CADM2: variants seen among roughly 807,000 people sequenced by gnomAD.
CADM2 encodes cell adhesion molecule 2.
A neutral mutation model predicts 49.8 loss-of-function variants in CADM2; 12 were observed. That is an observed-to-expected ratio of 0.24 (90% confidence interval 0.15 to 0.39). The LOEUF (loss-of-function observed/expected upper bound fraction) is 0.39, where lower values mean the gene tolerates loss of function less well. CADM2 is among the 10% of genes least tolerant of loss of function. The probability of loss-of-function intolerance (pLI) is 1.00; values close to 1 mark genes in which losing one functional copy is unlikely to be tolerated. For synonymous variants in CADM2, 214 were observed against 175.4 expected (o/e 1.22, Z -1.74); for missense variants, 378 against 492.3 (o/e 0.77, Z 2.20).
chr3:86,027,428 C>T (rs2107116461), intron 8 of CADM2, among the ~76,000 whole-genome samples: 1 of 152,224 alleles, frequency 6.6e-6, no homozygotes, highest in South Asian at 2.1e-4. Context: ...TAAATTCATT[C>T]TTTCTGCATA....
At chr3:85,556,525 A>G (rs745880653) in intron 1 of CADM2, among the ~76,000 whole-genome samples, 25 of 152,176 alleles carry the variant, frequency 1.6e-4, no homozygotes, top group African/African-American at 2.4e-5. Flanking sequence ...TAAAAGAGCT[A>G]TGGATTATCA....
intron 1 of CADM2, among the ~76,000 whole-genome samples, chr3:85,637,668 G>A (rs1559958650): frequency 6.9e-6 from 1 of 144,364 alleles, no homozygotes; most frequent in East Asian, 2.0e-4. Flanking sequence ...GTATTATTTA[G>A]CTTATTATTT....
chr3:85,816,988 A>G (rs1409248672), intron 3 of CADM2, among the ~76,000 whole-genome samples: 2 of 152,218 alleles, frequency 1.3e-5, no homozygotes, highest in Non-Finnish European at 2.9e-5. Flanking sequence ...AAATATTTGT[A>G]ATGTGCCATT....
intron 1 of CADM2, among the ~76,000 whole-genome samples, chr3:85,724,388 AT>A (rs1006910590): frequency 6.6e-6 from 1 of 151,960 alleles, no homozygotes; most frequent in Non-Finnish European, 1.5e-5. Context: ...CAACCTGGAA[AT>A]TTATGTCCTG....
chr3:85,246,220 C>T (rs1157940806), intron 1 of CADM2, among the ~76,000 whole-genome samples: 1 of 152,090 alleles, frequency 6.6e-6, no homozygotes, highest in South Asian at 2.1e-4. Flanking sequence ...ACCGCATGTT[C>T]TCACTCATAG....
intron 1 of CADM2, among the ~76,000 whole-genome samples, chr3:85,718,435 T>C (rs1338835060): frequency 6.6e-6 from 1 of 152,176 alleles, no homozygotes; most frequent in Non-Finnish European, 1.5e-5. Flanking sequence ...ACAGAGTCAC[T>C]TTTAGAGGCA....
In CADM2 at chr3:85,175,919, C is replaced by CTTTTTTTTTTT. The variant is rs11329456; in HGVS notation, c.61+216268_61+216278dup. On this transcript the variant is annotated intron_variant, in intron 1 of 9. Coordinates refer to ENST00000383699, the MANE Select transcript of CADM2 (RefSeq NM_001167675.2). ...CAGTTTATCTGAGTTATGTCCTAAT[C>CTTTTTTTTTTT]TTTTTTTTTTTTTTTTTTTTTTTTT... Among the ~76,000 whole-genome samples, 59 of 76,262 alleles carry CTTTTTTTTTTT rather than the reference C, an allele frequency of 7.7e-4. 6 individuals are homozygous for CTTTTTTTTTTT. Among genetic ancestry groups the CTTTTTTTTTTT allele is most frequent in the African/African-American group, 2.3e-3 (37 of 16,430 alleles). The allele number at this position is 76,262 out of a possible 152,430, so 50.0% of individuals were successfully genotyped here.
At chr3:85,184,170 A>G (rs1393479804) in intron 1 of CADM2, among the ~76,000 whole-genome samples, 1 of 152,080 alleles carries the variant, frequency 6.6e-6, no homozygotes. Flanking sequence ...GACAAAGATA[A>G]TAAATGAAAA....
intron 1 of CADM2, among the ~76,000 whole-genome samples, chr3:85,366,558 AG>A (rs1559802711): frequency 6.6e-6 from 1 of 152,152 alleles, no homozygotes; most frequent in Admixed American, 6.6e-5. Flanking sequence ...GGCTTTTATC[AG>A]GAAAAATTTA....
intron 1 of CADM2, among the ~76,000 whole-genome samples, chr3:84,991,365 G>A (rs1439315232): frequency 6.6e-6 from 1 of 152,004 alleles, no homozygotes; most frequent in Non-Finnish European, 1.5e-5. Context: ...ATGAGCTGGG[G>A]GCAAAATTGT....
intron 1 of CADM2, among the ~76,000 whole-genome samples, chr3:85,288,407 T>C (rs1418181675): frequency 6.6e-6 from 1 of 152,158 alleles, no homozygotes; most frequent in African/African-American, 2.4e-5. Flanking sequence ...TGATTTTTGT[T>C]AGATTATTGT....
At chr3:84,960,294 G>T (rs1435585167) in intron 1 of CADM2, 1 of 151,236 alleles carries the variant, frequency 6.6e-6, no homozygotes, top group Non-Finnish European at 1.5e-5. Context: ...AGGGGACTCT[G>T]TCTGGGATTT....
intron 1 of CADM2, among the ~76,000 whole-genome samples, chr3:85,693,822 G>T (rs1309096594): frequency 2.0e-5 from 3 of 149,518 alleles, no homozygotes; most frequent in African/African-American, 7.4e-5. Flanking sequence ...CTTGAACCCG[G>T]GAGGCAGAGG....
chr3:85,250,171 A>G (rs927264297), intron 1 of CADM2, among the ~76,000 whole-genome samples: 59 of 151,620 alleles, frequency 3.9e-4, no homozygotes, highest in Admixed American at 3.7e-3. Flanking sequence ...TTCTTAAACA[A>G]TTTGCTGAGT....
chr3:86,010,880 A>G (rs556285031), intron 8 of CADM2, among the ~76,000 whole-genome samples: 1 of 151,916 alleles, frequency 6.6e-6, no homozygotes, highest in Admixed American at 6.5e-5. Flanking sequence ...AAAGAATAGA[A>G]AGAAAATGCA....
At chr3:86,017,174 A>C (rs560308987) in intron 8 of CADM2, among the ~76,000 whole-genome samples, 16 of 118,720 alleles carry the variant, frequency 1.3e-4, no homozygotes, top group Admixed American at 1.0e-3. Context: ...GTGTGTATAT[A>C]TATATATATA....
intron 1 of CADM2, among the ~76,000 whole-genome samples, chr3:85,402,421 T>A (rs1206180720): frequency 6.6e-6 from 1 of 152,150 alleles, no homozygotes; most frequent in African/African-American, 2.4e-5. Context: ...TCACATATAT[T>A]TATTAGTTAC....
At chr3:85,449,905 G>A (rs1034724211) in intron 1 of CADM2, among the ~76,000 whole-genome samples, 1 of 152,026 alleles carries the variant, frequency 6.6e-6, no homozygotes, top group African/African-American at 2.4e-5. Flanking sequence ...GATCTTACTA[G>A]TACATCAGTC....
At position 85,614,686 on chromosome 3, in the gene CADM2, C is replaced by T. The variant is rs111974325; in HGVS notation, c.62-111836C>T. Among the ~76,000 whole-genome samples, 595 of 151,916 alleles carry T rather than the reference C, an allele frequency of 3.9e-3. 3 individuals are homozygous for T. Among genetic ancestry groups the T allele is most frequent in the African/African-American group, 0.013 (533 of 41,500 alleles). The stretch of plus-strand genomic sequence containing the variant: ...CTAATGACTTGTTCATTATTTCTTA[C>T]GTTGGCCCCTATGTCTATATAATTC... On this transcript the variant is annotated intron_variant, in intron 1 of 9. Coordinates refer to ENST00000383699, the MANE Select transcript of CADM2 (RefSeq NM_001167675.2).
Sources: gnomAD v4.1 joint callset for allele counts (sites outside exome capture counted in the v4.1 genomes callset) on GRCh38, gnomAD v4.1.1 for gene constraint, MANE v1.5 for transcripts, NCBI Gene and HGNC (gene_info 2026-07-23, HGNC 2026-07-21) for gene names.